MEIS1: variants seen among roughly 807,000 people sequenced by gnomAD.
MEIS1 encodes the protein Meis homeobox 1.
In MEIS1, 5 loss-of-function variants were observed where a neutral mutation model predicts 50.8. The ratio of observed to expected loss-of-function variants is 0.10; its 90% CI spans 0.05 to 0.21. The LOEUF is 0.21. Ranked by LOEUF, MEIS1 falls within the 10% of genes least tolerant of loss-of-function variation. MEIS1 has a pLI of 1.00. For missense variants in MEIS1, 318 were observed against 517.3 expected (o/e 0.61, Z 3.74); for synonymous variants, 176 against 179.3 (o/e 0.98, Z 0.15).
At chr2:66,447,011 G>A (rs2103702250) in intron 6 of MEIS1, among the ~76,000 whole-genome samples, 1 of 152,206 alleles carries the variant, frequency 6.6e-6, no homozygotes, top group Non-Finnish European at 1.5e-5. Context: ...CCGAAGAAGC[G>A]GGGGAAATTC....
At chr2:66,555,203 G>A (rs1675025096) in intron 9 of MEIS1, among the ~76,000 whole-genome samples, 1 of 151,872 alleles carries the variant, frequency 6.6e-6, no homozygotes, top group Non-Finnish European at 1.5e-5. Flanking sequence ...CTTTGCATGA[G>A]TTTTATAGGT....
At chr2:66,525,255 A>G (rs1230702882) in intron 8 of MEIS1, among the ~76,000 whole-genome samples, 1 of 152,116 alleles carries the variant, frequency 6.6e-6, no homozygotes, top group East Asian at 1.9e-4. Context: ...AAACAAAAAC[A>G]GTGCTCTTTA....
intron 9 of MEIS1, among the ~76,000 whole-genome samples, chr2:66,555,075 C>T (rs1031380151): frequency 3.3e-5 from 5 of 152,114 alleles, no homozygotes; most frequent in Non-Finnish European, 7.3e-5. Flanking sequence ...ATCTTTTTCT[C>T]CAGTAATTTT....
chr2:66,473,112 C>T, intron 7 of MEIS1, among the ~76,000 whole-genome samples: 1 of 151,938 alleles, frequency 6.6e-6, no homozygotes, highest in South Asian at 2.1e-4. Flanking sequence ...GGCGCGGTGG[C>T]TCATGCCTGT....
At chr2:66,489,176 CT>C (rs1673210886) in intron 7 of MEIS1, among the ~76,000 whole-genome samples, 1 of 152,216 alleles carries the variant, frequency 6.6e-6, no homozygotes, top group African/African-American at 2.4e-5. Flanking sequence ...ATTTAATCCT[CT>C]GAAAGTGCAC....
intron 8 of MEIS1, among the ~76,000 whole-genome samples, chr2:66,534,830 G>C (rs140661516): frequency 1.3e-5 from 2 of 152,234 alleles, no homozygotes; most frequent in African/African-American, 2.4e-5. Context: ...ATCCTCACTG[G>C]ATAAGGACAT....
At chr2:66,484,658 A>C (rs1271050959) in intron 7 of MEIS1, among the ~76,000 whole-genome samples, 1 of 152,062 alleles carries the variant, frequency 6.6e-6, no homozygotes, top group Admixed American at 6.6e-5. Context: ...TCCTGGGTTC[A>C]AGCAATTCTC....
chr2:66,538,889 T>C (rs78227701), intron 8 of MEIS1, among the ~76,000 whole-genome samples: 25 of 151,518 alleles, frequency 1.6e-4, no homozygotes, highest in African/African-American at 5.9e-4. Flanking sequence ...TTTTTTTTTT[T>C]TTTTGTTTGT....
chr2:66,523,375 C>G (rs969919188), intron 8 of MEIS1, among the ~76,000 whole-genome samples: 7 of 152,174 alleles, frequency 4.6e-5, no homozygotes, highest in Non-Finnish European at 1.0e-4. Flanking sequence ...AAACATTCTC[C>G]TATATTAAAT....
chr2:66,564,321 G>A (rs764691586), intron 9 of MEIS1, among the ~76,000 whole-genome samples: 2 of 152,156 alleles, frequency 1.3e-5, no homozygotes, highest in African/African-American at 2.4e-5. Context: ...CCAAAAAGAA[G>A]CAAATAACAT....
chr2:66,489,246 G>T (rs2103802860), intron 7 of MEIS1, among the ~76,000 whole-genome samples: 1 of 152,302 alleles, frequency 6.6e-6, no homozygotes, highest in African/African-American at 2.4e-5. Flanking sequence ...AAGAAAAACT[G>T]AATATGGCAA....
At chr2:66,563,830 A>G (rs2103966523) in intron 9 of MEIS1, among the ~76,000 whole-genome samples, 1 of 152,334 alleles carries the variant, frequency 6.6e-6, no homozygotes, top group East Asian at 1.9e-4. Context: ...TGCTGTGTGT[A>G]GCATAATTCC....
At chr2:66,545,718 G>A (rs1176808579) in intron 8 of MEIS1, among the ~76,000 whole-genome samples, 1 of 152,166 alleles carries the variant, frequency 6.6e-6, no homozygotes, top group East Asian at 1.9e-4. Context: ...AAACCTTAGG[G>A]TAATGGATTC....
intron 7 of MEIS1, among the ~76,000 whole-genome samples, chr2:66,464,885 C>T (rs1672598857): frequency 1.3e-5 from 2 of 152,134 alleles, no homozygotes; most frequent in South Asian, 4.2e-4. Flanking sequence ...AAACATCAAG[C>T]TAGTCTTCAG....
intron 8 of MEIS1, among the ~76,000 whole-genome samples, chr2:66,533,669 G>A (rs971928974): frequency 7.9e-5 from 12 of 152,218 alleles, no homozygotes; most frequent in South Asian, 4.2e-4. Context: ...GACCCATTGC[G>A]TAATTTGTGG....
intron 7 of MEIS1, among the ~76,000 whole-genome samples, chr2:66,483,706 G>A (rs144987976): frequency 1.4e-4 from 22 of 152,272 alleles, no homozygotes; most frequent in Admixed American, 5.2e-4. Context: ...AACTGCTTAT[G>A]TTCCTTCTAT....
intron 7 of MEIS1, among the ~76,000 whole-genome samples, chr2:66,483,287 G>A (rs1187457269): frequency 1.3e-5 from 2 of 150,072 alleles, no homozygotes; most frequent in African/African-American, 4.9e-5. Context: ...TGCCCAGGCA[G>A]GTCTCGAACT....
In MEIS1 at chr2:66,440,567, C is replaced by T. The variant is rs1182201530; in HGVS notation, c.387C>T (p.Arg129=). ...TCCTTCTCACTTGTATTTAGATTCGCGCAGAAAAACCTCTATTTTCTTCTA... is the reference window on the plus strand; with the variant it reads ...TCCTTCTCACTTGTATTTAGATTCGTGCAGAAAAACCTCTATTTTCTTCTA... ...EDIAVFAKQI[R]AEKPLFSSNP... The change falls in exon 4 of 13, where the codon CGC becomes CGT. Residue 129 remains arginine (R), a synonymous_variant. Transcript: ENST00000272369. 6 of 1,612,890 alleles carry T rather than the reference C, an allele frequency of 3.7e-6. No individual in the cohort carries two copies. The highest frequency in any genetic ancestry group is 5.1e-6 in the Non-Finnish European group (6 of 1,179,368).
At chr2:66,562,268 A>G (rs978969818) in intron 9 of MEIS1, 1 of 151,672 alleles carries the variant, frequency 6.6e-6, no homozygotes, top group Non-Finnish European at 1.5e-5. Flanking sequence ...GACCAGGGAA[A>G]GGAGTGGAGG....
Sources: allele counts gnomAD v4.1 joint callset (sites outside exome capture counted in the v4.1 genomes callset), GRCh38; gene constraint gnomAD v4.1.1; transcripts MANE v1.5; gene names NCBI Gene and HGNC (gene_info 2026-07-23, HGNC 2026-07-21).